Variants in PTPRM observed in about 807,000 individuals in gnomAD.
PTPRM encodes the protein receptor-type tyrosine-protein phosphatase mu.
PTPRM carries 47 observed loss-of-function variants against 186.7 expected under a neutral mutation model. The ratio of observed to expected loss-of-function variants is 0.25; its 90% confidence interval spans 0.20 to 0.32. PTPRM has a LOEUF of 0.32. PTPRM is among the 10% of genes least tolerant of loss of function. The pLI, the probability that PTPRM is intolerant of heterozygous loss-of-function variation, is 1.00. For synonymous variants in PTPRM, 668 were observed against 674.9 expected, an observed-to-expected ratio of 0.99 and a Z score of 0.16; for missense variants, 1,494 against 1,865.0, an observed-to-expected ratio of 0.80 and a Z score of 3.66.
chr18:8,162,254 C>T (rs973273377), intron 14 of PTPRM, among the ~76,000 whole-genome samples: 7 of 152,140 alleles, frequency 4.6e-5, no homozygotes, highest in African/African-American at 1.7e-4. Flanking sequence ...CACATGCCAC[C>T]ACGCCCAGCT....
intron 1 of PTPRM, among the ~76,000 whole-genome samples, chr18:7,574,295 C>T (rs1485662576): frequency 2.6e-5 from 4 of 152,112 alleles, no homozygotes; most frequent in African/African-American, 9.7e-5. Flanking sequence ...AAAAAAGTTT[C>T]CTATGTTTTT....
At chr18:7,984,600 T>C (rs181631132) in intron 7 of PTPRM, among the ~76,000 whole-genome samples, 19,981 of 110,162 alleles carry the variant, frequency 0.18, 1,899 homozygotes, top group Middle Eastern at 0.33. Context: ...TATATATATA[T>C]ATACACACAC....
intron 19 of PTPRM, among the ~76,000 whole-genome samples, chr18:8,260,731 G>T (rs1410721117): frequency 3.3e-5 from 5 of 152,206 alleles, no homozygotes; most frequent in Non-Finnish European, 7.3e-5. Context: ...TCTCTGCAGA[G>T]ATCGCAGTTC....
At chr18:7,809,238 C>T (rs576428735) in intron 2 of PTPRM, among the ~76,000 whole-genome samples, 2 of 152,216 alleles carry the variant, frequency 1.3e-5, no homozygotes, top group East Asian at 1.9e-4. Context: ...GTGAAGCTCT[C>T]TCTCCAGGGC....
At chr18:8,256,720 A>G (rs2147439244) in intron 19 of PTPRM, among the ~76,000 whole-genome samples, 1 of 152,338 alleles carries the variant, frequency 6.6e-6, no homozygotes, top group Middle Eastern at 3.4e-3. Context: ...TCCCGTTAAC[A>G]AGTAACTTAC....
chr18:8,104,352 C>A (rs2091426004), intron 11 of PTPRM, among the ~76,000 whole-genome samples: 1 of 152,180 alleles, frequency 6.6e-6, no homozygotes, highest in South Asian at 2.1e-4. Flanking sequence ...TTTATCCCTA[C>A]TGCTTGCTTA....
At chr18:7,934,152 A>AT (rs2051655470) in intron 5 of PTPRM, among the ~76,000 whole-genome samples, 1 of 152,218 alleles carries the variant, frequency 6.6e-6, no homozygotes, top group African/African-American at 2.4e-5. Context: ...AGTTTGCACA[A>AT]TGGCAACACC....
chr18:7,912,677 A>G (rs1407888538), intron 4 of PTPRM, among the ~76,000 whole-genome samples: 1 of 136,960 alleles, frequency 7.3e-6, no homozygotes, highest in East Asian at 2.4e-4. Flanking sequence ...ACGCCCGGCT[A>G]ATTTTTTTTT....
chr18:8,244,749 A>G (rs1468942387), intron 15 of PTPRM, among the ~76,000 whole-genome samples: 1 of 152,176 alleles, frequency 6.6e-6, no homozygotes, highest in African/African-American at 2.4e-5. Flanking sequence ...CTGCCTTCCC[A>G]TACTACTACC....
At chr18:8,318,559 A>G (rs2095325800) in intron 21 of PTPRM, among the ~76,000 whole-genome samples, 1 of 151,986 alleles carries the variant, frequency 6.6e-6, no homozygotes, top group African/African-American at 2.4e-5. Context: ...AGCCTCCCCA[A>G]AGTGCTGGGA....
chr18:8,150,319 A>G (rs1283859910), intron 14 of PTPRM, among the ~76,000 whole-genome samples: 1 of 151,934 alleles, frequency 6.6e-6, no homozygotes. Flanking sequence ...ATAGTCCCAT[A>G]TTTCTTGGAG....
intron 1 of PTPRM, among the ~76,000 whole-genome samples, chr18:7,644,728 GA>G (rs1313222858): frequency 2.0e-5 from 3 of 152,062 alleles, no homozygotes; most frequent in Admixed American, 6.6e-5. Context: ...ATCTAAGTAG[GA>G]AATCAGACAA....
chr18:7,702,153 G>A (rs1413999978), intron 1 of PTPRM, among the ~76,000 whole-genome samples: 15 of 152,042 alleles, frequency 9.9e-5, no homozygotes, highest in Admixed American at 4.6e-4. Flanking sequence ...GTAAACATAT[G>A]TGTGCATGTG....
At position 8,226,521 on chromosome 18, in the gene PTPRM, G is replaced by T. The variant is rs940388091; in HGVS notation, c.2301-17537G>T. On this transcript the variant is annotated intron_variant, in intron 14 of 32. Transcript: ENST00000580170. ...CATTTTTTACAATAAAGTGACAGTT[G>T]TTTAGGATAAATTAATAAGAAAATG... Among the ~76,000 whole-genome samples the T allele has an allele frequency of 2.6e-5, 4 of 152,298 alleles. No homozygotes were observed. The East Asian group carries it at 7.7e-4, about 29-fold the overall frequency.
chr18:8,340,871 T>TA (rs1464147048), intron 22 of PTPRM, among the ~76,000 whole-genome samples: 10 of 152,094 alleles, frequency 6.6e-5, no homozygotes, highest in African/African-American at 2.4e-5. Flanking sequence ...CCTGAGAATT[T>TA]AAAAAAATCT....
intron 13 of PTPRM, among the ~76,000 whole-genome samples, chr18:8,124,412 C>T (rs2092274425): frequency 6.6e-6 from 1 of 152,136 alleles, no homozygotes; most frequent in African/African-American, 2.4e-5. Flanking sequence ...ATACTGCAAG[C>T]CTGAGACTTA....
chr18:7,701,852 A>G (rs974347718), intron 1 of PTPRM, among the ~76,000 whole-genome samples: 1 of 150,438 alleles, frequency 6.6e-6, no homozygotes, highest in Non-Finnish European at 1.5e-5. Flanking sequence ...ATTTTCCCCT[A>G]CTCCCCAACC....
At chr18:8,253,813 C>G (rs577886382) in intron 19 of PTPRM, among the ~76,000 whole-genome samples, 1 of 152,150 alleles carries the variant, frequency 6.6e-6, no homozygotes, top group Non-Finnish European at 1.5e-5. Context: ...AGTTCACATG[C>G]GTTACATGGA....
intron 7 of PTPRM, among the ~76,000 whole-genome samples, chr18:7,963,840 G>GT (rs2147206526): frequency 6.6e-6 from 1 of 152,312 alleles, no homozygotes; most frequent in East Asian, 1.9e-4. Flanking sequence ...AAACATGATT[G>GT]TTGTTAGTAT....
Sources: gnomAD v4.1 joint callset for allele counts (sites outside exome capture counted in the v4.1 genomes callset) on GRCh38, gnomAD v4.1.1 for gene constraint, MANE v1.5 for transcripts, NCBI Gene and HGNC (gene_info 2026-07-23, HGNC 2026-07-21) for gene names.